Variants in MNT observed in about 807,000 individuals in gnomAD.
MNT encodes max-binding protein MNT.
In MNT, 13 loss-of-function variants were observed where a neutral mutation model predicts 40.7. The observed-to-expected ratio is 0.32, with a 90% CI of 0.21 to 0.51. The LOEUF (loss-of-function observed/expected upper bound fraction) is 0.51, where lower values mean the gene tolerates loss of function less well. Ranked by LOEUF, MNT falls within the 20% of genes least tolerant of loss-of-function variation. The pLI, the probability that MNT is intolerant of heterozygous loss-of-function variation, is 0.98. For missense variants in MNT, 757 were observed against 792.0 expected, an observed-to-expected ratio of 0.96 and a Z score of 0.53; for synonymous variants, 426 against 354.8, an observed-to-expected ratio of 1.20 and a Z score of -2.26.
At chr17:2,388,895 C>T (rs1412103072) in intron 4 of MNT, among the ~76,000 whole-genome samples, 3 of 152,146 alleles carry the variant, frequency 2.0e-5, no homozygotes, top group African/African-American at 4.8e-5. Context: ...CAGGCAACGC[C>T]GACACGTGTC....
chr17:2,394,169 G>A lies in MNT; in HGVS notation c.696-15C>T. 6.2e-7 allele frequency: 1 copy of A among 1,606,158 alleles called. No individual in the cohort carries two copies. The highest frequency in any genetic ancestry group is 1.7e-5 in the Admixed American group (1 of 59,592). ...GATGGGCCCTCCTGAAGAGAGGGGCGAGCGCCGGTCAGCGGTGCCTGGGGC... is the reference window on the plus strand; with the variant it reads ...GATGGGCCCTCCTGAAGAGAGGGGCAAGCGCCGGTCAGCGGTGCCTGGGGC... On this transcript the variant is annotated splice_polypyrimidine_tract_variant and intron_variant, in intron 3 of 5. Coordinates refer to ENST00000174618, the MANE Select transcript of MNT (RefSeq NM_020310.3).
intron 4 of MNT, among the ~76,000 whole-genome samples, chr17:2,393,391 A>G (rs906254828): frequency 6.6e-6 from 1 of 151,618 alleles, no homozygotes; most frequent in Admixed American, 6.6e-5. Flanking sequence ...AAAAAGAGAC[A>G]CCCCCTCTTC....
intron 1 of MNT, among the ~76,000 whole-genome samples, chr17:2,396,128 G>A (rs551797418): frequency 9.2e-5 from 14 of 151,942 alleles, no homozygotes; most frequent in Middle Eastern, 3.4e-3. Flanking sequence ...AGAGCCCCAC[G>A]TCACATCATG....
At chr17:2,396,458 G>A (rs1245562090) in intron 1 of MNT, 2 of 152,562 alleles carry the variant, frequency 1.3e-5, no homozygotes, top group Non-Finnish European at 2.9e-5. Flanking sequence ...GCCTGGTTCT[G>A]GGTGAGAGAG....
chr17:2,395,027 C>T lies in MNT; in HGVS notation c.501G>A (p.Gln167=). The change falls in exon 2 of 6, where the codon CAG becomes CAA. Residue 167 remains glutamine (Q), a synonymous_variant. Transcript: ENST00000174618. ...TGGTCAGGACAGGCGTGGGGAGGGG[C>T]TGCAAAGGCTTGGGGCTGCCATTGG... ...IPPNGSPKPL[Q]PLPTPVLTIA... is the part of the protein sequence containing the mutation. 1 of 1,594,152 alleles carries T rather than the reference C, an allele frequency of 6.3e-7. No individual in the cohort carries two copies.
Position 2,387,180 on chromosome 17 carries a change from G to GT in MNT, c.1469dup (p.His490GlnfsTer160). 1 of 1,606,890 alleles carries GT rather than the reference G, an allele frequency of 6.2e-7. No homozygotes were observed. Among genetic ancestry groups the GT allele is most frequent in the Non-Finnish European group, 8.5e-7 (1 of 1,177,440 alleles). ...TGAGGGTGGCAGGGTGCACAGTGAT[G>GT]TGCCCAATGGGGGGTGTGGCAGGCG... On this transcript the variant is annotated frameshift_variant, in exon 6 of 6. Transcript: ENST00000174618. LOFTEE classifies it high-confidence loss of function.
rs935556921 is a variant in MNT at position 2,394,944 on chromosome 17, G to A, written c.584C>T (p.Thr195Met). ...QLAPQQPPPP[T>M]LGTLKLAPAE... ...TGGTGCCAACTTCAGGGTCCCCAGC[G>A]TGGGTGGGGGCGGCTGCTGGGGGGC... The change falls in exon 2 of 6, where the codon ACG becomes ATG. Residue 195 changes from threonine to methionine, a missense_variant. Physicochemically the swap from Thr to Met is moderately conservative, Grantham distance 81 (BLOSUM62 -1). Around this residue, in one of 4 missense-constraint regions of MNT, gnomAD observed 335 missense variants for 291.4 expected, o/e 1.15. Transcript: ENST00000174618. 1.2e-6 allele frequency: 2 copies of A among 1,608,006 alleles called. No homozygotes were observed. The highest frequency in any genetic ancestry group is 1.3e-5 in the African/African-American group (1 of 74,822).
At chr17:2,400,213 T>G in intron 1 of MNT, 1 of 183,568 alleles carries the variant, frequency 5.4e-6, no homozygotes, top group Non-Finnish European at 1.2e-5. Context: ...TACACGTCCG[T>G]TCATCTGCTC....
intron 4 of MNT, chr17:2,392,738 T>G (rs986955792): frequency 2.0e-5 from 3 of 151,678 alleles, no homozygotes; most frequent in Non-Finnish European, 2.9e-5. Flanking sequence ...CCTCGCCGGC[T>G]GCACCGCCCT....
chr17:2,400,443 T>G, intron 1 of MNT, 197 bp downstream of exon 1: 8 of 485,006 alleles, frequency 1.6e-5, no homozygotes, highest in East Asian at 4.0e-5. Context: ...CCTCGCAGCA[T>G]GTTAATGAAT....
In MNT at chr17:2,387,688, G is replaced by A. The variant is rs202110476; in HGVS notation, c.1001-39C>T. ...GGGGCAGGGAGCAGGTCAGAAGGGC[G>A]GGGAAGCAAGTGGCTGGAGGCGTAG... On this transcript the variant is annotated intron_variant, in intron 5 of 5. Transcript: ENST00000174618. The A allele has an allele frequency of 7.0e-5, 112 of 1,607,688 alleles. 1 individual carries two copies. Among genetic ancestry groups the A allele is most frequent in the Middle Eastern group, 3.3e-4 (2 of 6,052 alleles).
chr17:2,395,021 G>A lies in MNT; in HGVS notation c.507C>T (p.Leu169=). The A allele has an allele frequency of 1.3e-6, 2 of 1,599,304 alleles. No homozygotes were observed. Among genetic ancestry groups the A allele is most frequent in the Non-Finnish European group, 1.7e-6 (2 of 1,173,438 alleles). ...PNGSPKPLQP[L]PTPVLTIAPH... ...GCGCTATGGTCAGGACAGGCGTGGG[G>A]AGGGGCTGCAAAGGCTTGGGGCTGC... The change falls in exon 2 of 6, where the codon CTC becomes CTT. Residue 169 remains leucine, a synonymous_variant. Coordinates refer to ENST00000174618, the MANE Select transcript of MNT (RefSeq NM_020310.3).
In MNT at chr17:2,395,255, G is replaced by C; in HGVS notation, c.273C>G (p.Ile91Met). ...ATPAPLTVIP[I>M]PVVTNSPQPL... is the part of the protein sequence containing the mutation. Reference sequence around the variant, plus strand: ...GCTGAGGGGAGTTGGTCACCACAGGGATAGGGATGACAGTCAGTGGGGCAG... The same window carrying C: ...GCTGAGGGGAGTTGGTCACCACAGGCATAGGGATGACAGTCAGTGGGGCAG... The change falls in exon 2 of 6, where the codon ATC becomes ATG. Residue 91 changes from isoleucine to methionine, a missense_variant. Around this residue, in one of 4 missense-constraint regions of MNT, gnomAD observed 335 missense variants for 291.4 expected, o/e 1.15. Coordinates refer to ENST00000174618, the MANE Select transcript of MNT (RefSeq NM_020310.3). 2.0e-6 allele frequency: 3 copies of C among 1,511,086 alleles called. No homozygotes were observed. In the East Asian group the frequency reaches 6.8e-5, roughly 34 times the overall value. 93.6% of individuals were successfully genotyped at this position (1,511,086 alleles called of 1,614,324 possible).
intron 4 of MNT, chr17:2,388,382 C>T (rs2066485878): frequency 6.6e-6 from 2 of 304,346 alleles, no homozygotes; most frequent in East Asian, 7.0e-5. Flanking sequence ...CTTCACTTTG[C>T]ACACTTCTGC....
At position 2,395,122 on chromosome 17, in the gene MNT, G is replaced by T; in HGVS notation, c.406C>A (p.Pro136Thr). The change falls in exon 2 of 6, where the codon CCC (proline) becomes ACC (threonine). Residue 136 changes from proline (P) to threonine (T), a missense_variant. Physicochemically the swap from Pro to Thr is conservative, Grantham distance 38. Around this residue, in one of 4 missense-constraint regions of MNT, gnomAD observed 335 missense variants for 291.4 expected, o/e 1.15. Transcript: ENST00000174618. ...GGCACCTGCGGCCTGCTGGGCAGGG[G>T]GGCAGGCTCCTTAATGCTGAGTCCG... ...APGLSIKEPA[P>T]LPSRPQVPTP... is the part of the protein sequence containing the mutation. 1 of 1,479,950 alleles carries T rather than the reference G, an allele frequency of 6.8e-7. No homozygotes were observed. The allele number at this position is 1,479,950 out of a possible 1,614,324, so 91.7% of individuals were successfully genotyped here.
At chr17:2,396,013 C>T (rs2066575984) in intron 1 of MNT, among the ~76,000 whole-genome samples, 1 of 152,232 alleles carries the variant, frequency 6.6e-6, no homozygotes, top group African/African-American at 2.4e-5. Context: ...CAGTGAAGCT[C>T]AGGGAGCAAA....
At position 2,384,106 on chromosome 17, in the gene MNT, A is replaced by G. The variant is rs2066434671; in HGVS notation, c.*2795T>C. 6.6e-6 allele frequency: 1 copy of G among 152,332 alleles called. No homozygotes were observed. Among genetic ancestry groups the G allele is most frequent in the Non-Finnish European group, 1.5e-5 (1 of 67,968 alleles). 9.4% of individuals were successfully genotyped at this position (152,332 alleles called of 1,614,324 possible). On this transcript the variant is annotated 3_prime_UTR_variant, in exon 6 of 6. Coordinates refer to ENST00000174618, the MANE Select transcript of MNT (RefSeq NM_020310.3). ...CAGTGCAGGTTTATTTCAGTTTTAT[A>G]TTTTATTCCAGGCAAGTGCTTATTA...
At chr17:2,397,160 C>A (rs758066702) in intron 1 of MNT, among the ~76,000 whole-genome samples, 1 of 152,164 alleles carries the variant, frequency 6.6e-6, no homozygotes, top group African/African-American at 2.4e-5. Context: ...CCTAGCCCTT[C>A]GGGAAGGGGC....
At chr17:2,396,524 C>T (rs2066579962) in intron 1 of MNT, 1 of 152,452 alleles carries the variant, frequency 6.6e-6, no homozygotes, top group Non-Finnish European at 1.5e-5. Context: ...CAAGAAGGGG[C>T]TGGGCTCTTC....
Sources: gnomAD v4.1 joint callset for allele counts (sites outside exome capture counted in the v4.1 genomes callset) on GRCh38, gnomAD v4.1.1 for gene constraint, gnomAD v4.1.1 regional missense constraint, MANE v1.5 for transcripts, NCBI Gene and HGNC (gene_info 2026-07-23, HGNC 2026-07-21) for gene names.